SHANK2: variants seen among roughly 807,000 people sequenced by gnomAD.
SHANK2 encodes SH3 and multiple ankyrin repeat domains 2.
SHANK2 carries 43 observed loss-of-function variants against 133.7 expected under a neutral mutation model. That is an observed-to-expected ratio of 0.32 (90% CI 0.25 to 0.41). SHANK2 has a LOEUF of 0.41. SHANK2 is among the 10% of genes least tolerant of loss of function. The pLI, the probability that SHANK2 is intolerant of heterozygous loss-of-function variation, is 1.00. For synonymous variants in SHANK2, 1,017 were observed against 952.8 expected (o/e 1.07, Z -1.24); for missense variants, 1,994 against 2,235.8 (o/e 0.89, Z 2.18).
At chr11:71,085,450 C>T (rs1951365462) in intron 8 of SHANK2, among the ~76,000 whole-genome samples, 1 of 127,628 alleles carries the variant, frequency 7.8e-6, no homozygotes, top group African/African-American at 3.0e-5. Flanking sequence ...AGCAAGACTC[C>T]ATCTTAAATA....
chr11:70,810,549 A>G (rs1436702828), intron 12 of SHANK2, among the ~76,000 whole-genome samples: 1 of 152,182 alleles, frequency 6.6e-6, no homozygotes, highest in Non-Finnish European at 1.5e-5. Flanking sequence ...ACCTGCCCAC[A>G]TCTGCCCCGA....
chr11:70,945,739 G>T (rs1327814847), intron 10 of SHANK2, among the ~76,000 whole-genome samples: 1 of 152,146 alleles, frequency 6.6e-6, no homozygotes, highest in African/African-American at 2.4e-5. Flanking sequence ...GAGACACTAG[G>T]TTACCACCAA....
chr11:70,646,820 T>TTTTATTTATTTA (rs142747571), intron 17 of SHANK2, among the ~76,000 whole-genome samples: 45 of 140,138 alleles, frequency 3.2e-4, no homozygotes, highest in African/African-American at 1.2e-3. Context: ...GGAATCTAAC[T>TTTTATTTATTTA]TTTATTTATT....
Position 71,252,547 on chromosome 11 carries a change from C to A in SHANK2, c.-235G>T, listed in dbSNP as rs1265527980. 1 of 150,852 alleles carries A rather than the reference C, an allele frequency of 6.6e-6. No individual in the cohort carries two copies. Among genetic ancestry groups the A allele is most frequent in the Non-Finnish European group, 1.5e-5 (1 of 67,552 alleles). The allele number at this position is 150,852 out of a possible 1,614,324, so 9.3% of individuals were successfully genotyped here. A position where few individuals can be genotyped will look rare whatever the true frequency, so the allele number is the denominator to read the frequency against. ...AGCCCCGCCGGAGCTCAGGAGCCGC[C>A]GCCGCGGCTCAGGTGCAGGGGGTGG... On this transcript the variant is annotated 5_prime_UTR_variant, in exon 1 of 26. Coordinates refer to ENST00000601538, the MANE Select transcript of SHANK2 (RefSeq NM_012309.5). This position sits in a 1 kb window ranked among gnomAD's most constrained non-coding sequence, Gnocchi z 6.3.
intron 17 of SHANK2, among the ~76,000 whole-genome samples, chr11:70,533,788 C>T (rs1156507149): frequency 4.6e-5 from 7 of 152,144 alleles, no homozygotes; most frequent in Non-Finnish European, 8.8e-5. Flanking sequence ...TCAGTCCTCA[C>T]TCTCCCCTTC....
chr11:70,765,689 C>A (rs1265611451), intron 14 of SHANK2, among the ~76,000 whole-genome samples: 1 of 152,188 alleles, frequency 6.6e-6, no homozygotes, highest in Non-Finnish European at 1.5e-5. Context: ...TCCCATGAGG[C>A]TCTGAAATCC....
intron 13 of SHANK2, among the ~76,000 whole-genome samples, chr11:70,801,102 G>A (rs11237542): frequency 0.19 from 29,001 of 152,174 alleles, 3,043 homozygotes; most frequent in Admixed American, 0.23. Context: ...TCGGAGGCAC[G>A]TGAGCCCAGT....
Position 70,473,134 on chromosome 11 carries a change from C to T in SHANK2, c.5285G>A (p.Arg1762Lys). 6.2e-7 allele frequency: 1 copy of T among 1,614,262 alleles called. No individual in the cohort carries two copies. The highest frequency in any genetic ancestry group is 8.5e-7 in the Non-Finnish European group (1 of 1,180,050). The part of the protein sequence containing the change: ...LFGLNPAGRS[R>K]SPSPSILQQP... ...TTGCAGTATCGAGGGGGATGGCGAC[C>T]TACTGCGTCCCGCTGGGTTCAAGCC... The change falls in exon 26 of 26, where the codon AGG becomes AAG. Residue 1762 changes from arginine (R) to lysine (K), a missense_variant. Around this residue, in one of 5 missense-constraint regions of SHANK2, gnomAD observed 797 missense variants for 907.4 expected, o/e 0.88. Coordinates refer to ENST00000601538, the MANE Select transcript of SHANK2 (RefSeq NM_012309.5). The surrounding 1 kb of genome is among the most constrained non-coding windows in gnomAD (Gnocchi z 5.9).
chr11:70,709,286 G>A (rs1282095315), intron 14 of SHANK2, among the ~76,000 whole-genome samples: 3 of 152,252 alleles, frequency 2.0e-5, no homozygotes, highest in Non-Finnish European at 4.4e-5. Context: ...AAAGGTGACT[G>A]CAGAGAGCTG....
At chr11:71,138,093 CG>C (rs1565473037) in intron 3 of SHANK2, among the ~76,000 whole-genome samples, 4 of 148,704 alleles carry the variant, frequency 2.7e-5, no homozygotes, top group East Asian at 2.0e-4. Flanking sequence ...GCAAAGCACC[CG>C]AACACAGCTT....
intron 3 of SHANK2, among the ~76,000 whole-genome samples, chr11:71,131,252 G>A (rs1952299992): frequency 6.6e-6 from 1 of 152,198 alleles, no homozygotes; most frequent in Admixed American, 6.5e-5. Flanking sequence ...GCTCGTGGTG[G>A]CAAACACTAA....
In SHANK2 at chr11:71,175,540, G is replaced by C. The variant is rs926782786; in HGVS notation, c.-12-28202C>G. Reference sequence around the variant, plus strand: ...AAACAGACAGACAGACAGACAGAGGGAGAGGGAGAGGGAGAGAGAGAGAGA... The same window carrying C: ...AAACAGACAGACAGACAGACAGAGGCAGAGGGAGAGGGAGAGAGAGAGAGA... On this transcript the variant is annotated intron_variant, in intron 2 of 25. Transcript: ENST00000601538. This position sits in a 1 kb window ranked among gnomAD's most constrained non-coding sequence, Gnocchi z 4.2. Among the ~76,000 whole-genome samples, 4 of 84,398 alleles carry C rather than the reference G, an allele frequency of 4.7e-5. No homozygotes were observed. Among genetic ancestry groups the C allele is most frequent in the East Asian group, 4.2e-4 (1 of 2,392 alleles). 55.4% of individuals were successfully genotyped at this position (84,398 alleles called of 152,430 possible). A position where few individuals can be genotyped will look rare whatever the true frequency, so the allele number is the denominator to read the frequency against.
chr11:70,626,788 GC>G (rs144359209), intron 17 of SHANK2, among the ~76,000 whole-genome samples: 24,342 of 152,218 alleles, frequency 0.16, 2,529 homozygotes, highest in Non-Finnish European at 0.24. Flanking sequence ...GTCCAAGGTG[GC>G]CCACCCACAG....
intron 11 of SHANK2, among the ~76,000 whole-genome samples, chr11:70,853,341 C>T (rs767852825): frequency 2.2e-4 from 34 of 152,162 alleles, no homozygotes; most frequent in Non-Finnish European, 4.4e-4. Context: ...AGTCCAAGTG[C>T]GGGAGAGGGT....
chr11:70,847,570 G>A lies in SHANK2; in HGVS notation c.1175-26888C>T, dbSNP rs181601024. 5.3e-5 allele frequency among the ~76,000 whole-genome samples: 8 copies of A among 152,342 alleles called. No homozygotes were observed. The East Asian group carries it at 1.2e-3, about 22-fold the overall frequency. On this transcript the variant is annotated intron_variant, in intron 11 of 25. Transcript: ENST00000601538. Reference sequence around the variant, plus strand: ...AATTAATTTAAAATTGCTCTGGAACGGGGGACCAGCACTGAAAACCTGCCC... The same window carrying A: ...AATTAATTTAAAATTGCTCTGGAACAGGGGACCAGCACTGAAAACCTGCCC...
chr11:70,653,899 G>T (rs190688184), intron 17 of SHANK2, among the ~76,000 whole-genome samples: 147 of 152,308 alleles, frequency 9.7e-4, no homozygotes, highest in Non-Finnish European at 1.6e-3. Context: ...CTCCCAAAGT[G>T]CTGGAATTAC....
intron 17 of SHANK2, among the ~76,000 whole-genome samples, chr11:70,540,536 G>A (rs79713397): frequency 0.019 from 2,527 of 136,542 alleles, 48 homozygotes; most frequent in East Asian, 0.13. Context: ...ACCCATGGCC[G>A]CAGCTTCACG....
chr11:70,502,984 A>C, intron 17 of SHANK2, 53 bp from the exon 18 acceptor site: 2 of 1,603,814 alleles, frequency 1.2e-6, no homozygotes, highest in South Asian at 2.2e-5. Context: ...AGAGGAAGAC[A>C]GTTGGCACCC....
chr11:70,477,848 C>T (rs2058683225), intron 25 of SHANK2, among the ~76,000 whole-genome samples: 1 of 152,194 alleles, frequency 6.6e-6, no homozygotes, highest in Non-Finnish European at 1.5e-5. Flanking sequence ...CTTGGTTAAT[C>T]ACATTGATGA....
Sources: allele counts gnomAD v4.1 joint callset (sites outside exome capture counted in the v4.1 genomes callset), GRCh38; gene constraint gnomAD v4.1.1; regional missense constraint gnomAD v4.1.1; non-coding constraint Gnocchi (gnomAD v3.1); transcripts MANE v1.5; gene names NCBI Gene and HGNC (gene_info 2026-07-23, HGNC 2026-07-21).